SHANK2: variants seen among roughly 807,000 people sequenced by gnomAD.
The protein encoded by SHANK2 is SH3 and multiple ankyrin repeat domains protein 2.
In SHANK2, 43 loss-of-function variants were observed where a neutral mutation model predicts 133.7. That is an observed-to-expected ratio of 0.32 (90% CI 0.25 to 0.41). The LOEUF (loss-of-function observed/expected upper bound fraction) is 0.41. Ranked by LOEUF, SHANK2 falls within the 10% of genes least tolerant of loss-of-function variation. The pLI is 1.00. For missense variants in SHANK2, 1,994 were observed against 2,235.8 expected, an observed-to-expected ratio of 0.89 and a Z score of 2.18; for synonymous variants, 1,017 against 952.8, an observed-to-expected ratio of 1.07 and a Z score of -1.24.
At chr11:70,688,002 C>A (rs1329217969) in intron 15 of SHANK2, among the ~76,000 whole-genome samples, 1 of 152,258 alleles carries the variant, frequency 6.6e-6, no homozygotes, top group East Asian at 1.9e-4. Flanking sequence ...CAGCTCCCAG[C>A]CCCAAAGCAG....
chr11:70,771,743 C>T (rs1947255675), intron 14 of SHANK2, among the ~76,000 whole-genome samples: 1 of 152,162 alleles, frequency 6.6e-6, no homozygotes, highest in Non-Finnish European at 1.5e-5. Flanking sequence ...CAGCCTGCCC[C>T]ACTGTGGCCA....
At chr11:70,512,921 T>C (rs1351072194) in intron 17 of SHANK2, among the ~76,000 whole-genome samples, 1 of 152,204 alleles carries the variant, frequency 6.6e-6, no homozygotes, top group Non-Finnish European at 1.5e-5. Flanking sequence ...AATTGGTAGT[T>C]TGGCTGGGTA....
chr11:70,811,622 CCAT>C (rs375666084), intron 12 of SHANK2, among the ~76,000 whole-genome samples: 1 of 146,948 alleles, frequency 6.8e-6, no homozygotes, highest in Admixed American at 6.9e-5. Context: ...ATCTACCTAT[CCAT>C]CATCCATCCA....
At chr11:71,229,362 G>T (rs782104888) in intron 1 of SHANK2, among the ~76,000 whole-genome samples, 3 of 152,152 alleles carry the variant, frequency 2.0e-5, no homozygotes, top group Non-Finnish European at 4.4e-5. Context: ...TAATAAATGA[G>T]TTGAGCAAGG....
rs907598070 is a variant in SHANK2, at chr11:71,081,615, G to A, written c.913-6340C>T. Among the ~76,000 whole-genome samples the A allele has an allele frequency of 1.9e-3, 283 of 152,292 alleles. 3 individuals are homozygous for A. The highest frequency in any genetic ancestry group is 5.4e-3 in the African/African-American group (223 of 41,568). On this transcript the variant is annotated intron_variant, in intron 8 of 25. Transcript: ENST00000601538. ...CCATCCCCTCTCCTGTTCCCCGCATGTCCCTGAAGAGTCAGGGCTGACTGG... is the reference window on the plus strand; with the variant it reads ...CCATCCCCTCTCCTGTTCCCCGCATATCCCTGAAGAGTCAGGGCTGACTGG...
At chr11:70,896,736 A>G (rs3017482) in intron 10 of SHANK2, among the ~76,000 whole-genome samples, 169 bp from the exon 11 acceptor site, 148,581 of 152,288 alleles carry the variant, frequency 0.98, 72,582 homozygotes, top group Middle Eastern at 1. Context: ...CACCACACTC[A>G]CTTCTCTCAA....
At chr11:70,936,629 T>G (rs1950575012) in intron 10 of SHANK2, among the ~76,000 whole-genome samples, 1 of 152,242 alleles carries the variant, frequency 6.6e-6, no homozygotes, top group Admixed American at 6.5e-5. Flanking sequence ...TCTATCTTGT[T>G]GACAATCATT....
intron 17 of SHANK2, among the ~76,000 whole-genome samples, chr11:70,565,606 C>T (rs1418519312): frequency 6.6e-6 from 1 of 152,230 alleles, no homozygotes; most frequent in Non-Finnish European, 1.5e-5. Context: ...CCCTGCCCCA[C>T]AGCCTGGAAA....
chr11:71,172,976 G>A (rs146933762), intron 2 of SHANK2, among the ~76,000 whole-genome samples: 2 of 152,344 alleles, frequency 1.3e-5, no homozygotes, highest in Non-Finnish European at 2.9e-5. Context: ...TCTGGCCTCC[G>A]GGGCCATTGG....
intron 17 of SHANK2, among the ~76,000 whole-genome samples, chr11:70,605,879 C>T (rs554516660): frequency 6.6e-6 from 1 of 152,284 alleles, no homozygotes; most frequent in East Asian, 1.9e-4. Context: ...ATTTAGGGGC[C>T]TGAAGCCAGC....
At chr11:70,761,347 G>C (rs1017028770) in intron 14 of SHANK2, among the ~76,000 whole-genome samples, 7 of 152,168 alleles carry the variant, frequency 4.6e-5, no homozygotes, top group Admixed American at 6.5e-5. Context: ...AGCCAGGCAG[G>C]CTCCCTGATC....
chr11:70,482,549 C>T (rs1232304427), intron 25 of SHANK2, among the ~76,000 whole-genome samples: 2 of 152,218 alleles, frequency 1.3e-5, no homozygotes, highest in African/African-American at 2.4e-5. Context: ...AGCCTCGGCT[C>T]AGTAGCTTCA....
At chr11:71,233,963 C>T (rs1261329971) in intron 1 of SHANK2, among the ~76,000 whole-genome samples, 1 of 151,840 alleles carries the variant, frequency 6.6e-6, no homozygotes, top group Non-Finnish European at 1.5e-5. Context: ...AGGAAAATTG[C>T]TTGAACCCGG....
intron 10 of SHANK2, among the ~76,000 whole-genome samples, chr11:70,937,768 T>C (rs1394256287): frequency 6.6e-6 from 1 of 152,144 alleles, no homozygotes; most frequent in East Asian, 1.9e-4. Context: ...AGTCCTGGTG[T>C]TGTCCCTGTT....
chr11:71,075,169 AG>A lies in SHANK2; in HGVS notation c.1018del (p.Leu340SerfsTer20). The A allele has an allele frequency of 4.5e-6, 1 of 224,050 alleles. No homozygotes were observed. The allele number at this position is 224,050 out of a possible 1,614,324, so 13.9% of individuals were successfully genotyped here. A position where few individuals can be genotyped will look rare whatever the true frequency, so the allele number is the denominator to read the frequency against. The stretch of plus-strand genomic sequence containing the variant: ...GCGCTCAGCACTCACCTGGTTGTAG[AG>A]GGCGCAGATGTGCAAGGCCGTGTTC... The part of the protein sequence containing the change: ...SGNTALHICA[L>X]YNQDSCARVL... On this transcript the variant is annotated frameshift_variant, in exon 9 of 26. Coordinates refer to ENST00000601538, the MANE Select transcript of SHANK2 (RefSeq NM_012309.5). LOFTEE classifies it high-confidence loss of function.
intron 14 of SHANK2, chr11:70,705,678 T>C (rs1296549765): frequency 6.6e-6 from 1 of 152,212 alleles, no homozygotes; most frequent in Admixed American, 6.5e-5. Flanking sequence ...GAGAAACTTC[T>C]TGACGTCAAA....
At chr11:70,784,846 C>T (rs11237478) in intron 14 of SHANK2, among the ~76,000 whole-genome samples, 213 of 152,322 alleles carry the variant, frequency 1.4e-3, no homozygotes, top group Non-Finnish European at 2.6e-3. Flanking sequence ...ACGCTCCAAC[C>T]GCCACTGCTA....
At chr11:70,744,211 T>C (rs1555035413) in intron 14 of SHANK2, among the ~76,000 whole-genome samples, 1 of 152,220 alleles carries the variant, frequency 6.6e-6, no homozygotes, top group East Asian at 1.9e-4. Context: ...TGGCCGAGGC[T>C]TTAGCCCAAG....
chr11:71,138,919 C>T (rs1478839373), intron 3 of SHANK2, among the ~76,000 whole-genome samples: 13 of 152,038 alleles, frequency 8.6e-5, no homozygotes, highest in African/African-American at 3.1e-4. Flanking sequence ...GGCAGCACAG[C>T]GGGAATGAGA....
Sources: allele counts gnomAD v4.1 joint callset (sites outside exome capture counted in the v4.1 genomes callset), GRCh38; gene constraint gnomAD v4.1.1; transcripts MANE v1.5; gene names NCBI Gene and HGNC (gene_info 2026-07-23, HGNC 2026-07-21).